SLC35F1: variants seen among roughly 807,000 people sequenced by gnomAD.
SLC35F1 encodes the protein chromosome 6 open reading frame 169.
A neutral mutation model predicts 48.7 loss-of-function variants in SLC35F1; 14 were observed. That is an observed-to-expected ratio of 0.29 (90% CI 0.19 to 0.45). The LOEUF is 0.45. Ranked by LOEUF, SLC35F1 falls within the 20% of genes least tolerant of loss-of-function variation. The probability of loss-of-function intolerance (pLI) is 1.00; values close to 1 mark genes in which losing one functional copy is unlikely to be tolerated. For synonymous variants in SLC35F1, 190 were observed against 202.2 expected, an observed-to-expected ratio of 0.94 and a Z score of 0.51; for missense variants, 404 against 500.0, an observed-to-expected ratio of 0.81 and a Z score of 1.83.
At chr6:118,060,550 A>T (rs1772523144) in intron 1 of SLC35F1, among the ~76,000 whole-genome samples, 1 of 152,048 alleles carries the variant, frequency 6.6e-6, no homozygotes, top group African/African-American at 2.4e-5. Flanking sequence ...TATCATCTAG[A>T]TTTTCTCTAA....
chr6:117,968,400 A>G (rs975715517), intron 1 of SLC35F1, among the ~76,000 whole-genome samples: 1 of 152,226 alleles, frequency 6.6e-6, no homozygotes, highest in Non-Finnish European at 1.5e-5. Flanking sequence ...GTTCAAGTGC[A>G]GGATGATTAA....
At chr6:118,154,372 A>G in intron 1 of SLC35F1, 73 bp from the exon 2 acceptor site, 1 of 1,405,618 alleles carries the variant, frequency 7.1e-7, no homozygotes, top group Non-Finnish European at 9.7e-7. Context: ...CAGTGCTCAA[A>G]AAGTTTTAAT....
chr6:118,206,735 C>A (rs899329406), intron 2 of SLC35F1, among the ~76,000 whole-genome samples: 1 of 152,116 alleles, frequency 6.6e-6, no homozygotes, highest in East Asian at 1.9e-4. Context: ...ATCACAGAGG[C>A]CATCTTGTTA....
At chr6:118,138,122 G>T (rs547036280) in intron 1 of SLC35F1, among the ~76,000 whole-genome samples, 1 of 151,794 alleles carries the variant, frequency 6.6e-6, no homozygotes, top group Non-Finnish European at 1.5e-5. Context: ...CAGCCTGGGC[G>T]ACATAGCAAG....
intron 3 of SLC35F1, among the ~76,000 whole-genome samples, chr6:118,244,624 G>C (rs1361161150): frequency 6.6e-6 from 1 of 152,190 alleles, no homozygotes; most frequent in Non-Finnish European, 1.5e-5. Flanking sequence ...ATTTGATCCT[G>C]TCTGAACTCT....
intron 1 of SLC35F1, among the ~76,000 whole-genome samples, chr6:118,075,682 T>C (rs752325993): frequency 6.6e-6 from 1 of 152,248 alleles, no homozygotes; most frequent in Non-Finnish European, 1.5e-5. Flanking sequence ...GGAAACAACA[T>C]GATTGCTCTT....
chr6:117,917,446 G>T (rs1042690376), intron 1 of SLC35F1, among the ~76,000 whole-genome samples: 2 of 151,942 alleles, frequency 1.3e-5, no homozygotes, highest in Non-Finnish European at 2.9e-5. Context: ...TTGGAAGCTG[G>T]CTGGCCTGTA....
At chr6:118,272,419 C>A (rs1414419504) in intron 4 of SLC35F1, among the ~76,000 whole-genome samples, 2 of 152,132 alleles carry the variant, frequency 1.3e-5, no homozygotes, top group South Asian at 4.1e-4. Flanking sequence ...TGGTTTTATA[C>A]ATACATAAAT....
intron 1 of SLC35F1, among the ~76,000 whole-genome samples, chr6:117,975,264 A>G (rs1002183943): frequency 1.3e-5 from 2 of 152,234 alleles, no homozygotes; most frequent in Non-Finnish European, 2.9e-5. Context: ...TTAAATAGCT[A>G]GAAAAAAAGT....
intron 1 of SLC35F1, among the ~76,000 whole-genome samples, chr6:117,971,734 T>G (rs543870170): frequency 5.9e-5 from 9 of 152,370 alleles, no homozygotes; most frequent in Admixed American, 2.0e-4. Context: ...AGCAACAGCC[T>G]GACCTGTACA....
intron 1 of SLC35F1, among the ~76,000 whole-genome samples, chr6:118,006,872 C>T (rs927400005): frequency 1.3e-5 from 2 of 152,084 alleles, no homozygotes; most frequent in Non-Finnish European, 2.9e-5. Context: ...GAATATGTTA[C>T]ATGCATGTTA....
At position 118,039,958 on chromosome 6, in the gene SLC35F1, A is replaced by G. The variant is rs186823936; in HGVS notation, c.174-114487A>G. On this transcript the variant is annotated intron_variant, in intron 1 of 7. Coordinates refer to ENST00000360388, the MANE Select transcript of SLC35F1 (RefSeq NM_001029858.4). ...TAAACAACTAACTTGTTTGGGTTTC[A>G]GTAGACAATCAACTTGATTAATTCT... Among the ~76,000 whole-genome samples the G allele has an allele frequency of 5.3e-5, 8 of 152,260 alleles. No homozygotes were observed. The East Asian group carries it at 1.5e-3, about 29-fold the overall frequency.
chr6:118,021,742 G>C (rs1777398578), intron 1 of SLC35F1, among the ~76,000 whole-genome samples: 1 of 152,162 alleles, frequency 6.6e-6, no homozygotes, highest in Non-Finnish European at 1.5e-5. Context: ...GCATGATTTT[G>C]TGGGTCAGCA....
At chr6:118,245,087 A>T (rs7749263) in intron 3 of SLC35F1, among the ~76,000 whole-genome samples, 58,184 of 152,074 alleles carry the variant, frequency 0.38, 11,865 homozygotes, top group Middle Eastern at 0.49. Flanking sequence ...AGAAGCTTTA[A>T]GTATTATAGA....
chr6:118,210,099 A>G (rs547948075), intron 2 of SLC35F1, among the ~76,000 whole-genome samples: 20 of 152,188 alleles, frequency 1.3e-4, no homozygotes, highest in Non-Finnish European at 2.9e-4. Context: ...AAGGAACCCA[A>G]TTATGCAAAT....
intron 1 of SLC35F1, among the ~76,000 whole-genome samples, chr6:117,929,451 TTA>T (rs921657023): frequency 2.3e-5 from 2 of 88,510 alleles, no homozygotes; most frequent in African/African-American, 8.1e-5. Flanking sequence ...GTGTATGTAT[TTA>T]TGTGTGTGTG....
intron 4 of SLC35F1, among the ~76,000 whole-genome samples, chr6:118,267,761 A>C (rs1293024675): frequency 6.6e-6 from 1 of 152,202 alleles, no homozygotes; most frequent in East Asian, 1.9e-4. Flanking sequence ...ATTGGTATCA[A>C]TTAGAGTTTA....
At chr6:118,098,893 A>C (rs183811941) in intron 1 of SLC35F1, among the ~76,000 whole-genome samples, 1 of 152,288 alleles carries the variant, frequency 6.6e-6, no homozygotes, top group East Asian at 1.9e-4. Context: ...CCTTGTCCCC[A>C]TTCAGGTGTC....
intron 2 of SLC35F1, among the ~76,000 whole-genome samples, chr6:118,169,092 A>G (rs78099377): frequency 1.3e-5 from 2 of 152,210 alleles, no homozygotes; most frequent in Non-Finnish European, 2.9e-5. Context: ...ACCATATCAT[A>G]GTATTCTAGA....
Sources: gnomAD v4.1 joint callset for allele counts (sites outside exome capture counted in the v4.1 genomes callset) on GRCh38, gnomAD v4.1.1 for gene constraint, MANE v1.5 for transcripts, NCBI Gene and HGNC (gene_info 2026-07-23, HGNC 2026-07-21) for gene names.